DNAH14: variants seen among roughly 807,000 people sequenced by gnomAD.
DNAH14 encodes dynein axonemal heavy chain 14.
A neutral mutation model predicts 520.9 loss-of-function variants in DNAH14; 478 were observed. The observed-to-expected ratio is 0.92, with a 90% CI of 0.85 to 0.99. DNAH14 has a LOEUF of 0.99. Among genes scored for constraint, DNAH14 ranks in the 50% least tolerant of loss-of-function variants. The probability of loss-of-function intolerance (pLI) is 0.00; values close to 1 mark genes in which losing one functional copy is unlikely to be tolerated. For missense variants in DNAH14, 4,831 were observed against 5,234.5 expected (o/e 0.92, Z 2.38); for synonymous variants, 1,581 against 1,757.2 (o/e 0.90, Z 2.51).
chr1:225,028,175 A>G (rs2066270285), intron 11 of DNAH14, among the ~76,000 whole-genome samples: 1 of 152,200 alleles, frequency 6.6e-6, no homozygotes, highest in East Asian at 1.9e-4. Context: ...ATTACCACCT[A>G]TCTTCTGAAA....
intron 41 of DNAH14, among the ~76,000 whole-genome samples, chr1:225,220,690 A>C (rs1405835219): frequency 1.3e-5 from 2 of 152,144 alleles, no homozygotes; most frequent in African/African-American, 4.8e-5. Flanking sequence ...ATGCTCATGG[A>C]TAGGAAGAAT....
Position 224,954,960 on chromosome 1 carries a change from CT to C in DNAH14, c.83del (p.Leu28Ter), listed in dbSNP as rs780981561. On this transcript the variant is annotated frameshift_variant and splice_region_variant, in exon 3 of 86. Coordinates refer to ENST00000682510, the MANE Select transcript of DNAH14 (RefSeq NM_001367479.1). LOFTEE classifies it high-confidence loss of function. ...DKEETKTKPR[L>X]LRYEEKKYED... is the part of the protein sequence containing the mutation. ...AGAATTGTTTTCTTTGTCATTTAGA[CT>C]TTTAAGATATGAAGAGAAAAAATAT... 46 of 1,584,230 alleles carry C rather than the reference CT, an allele frequency of 2.9e-5. No individual in the cohort carries two copies. In the East Asian group the frequency reaches 9.9e-4, roughly 34 times the overall value.
At chr1:225,135,016 A>G (rs948502844) in intron 27 of DNAH14, among the ~76,000 whole-genome samples, 4 of 151,872 alleles carry the variant, frequency 2.6e-5, no homozygotes, top group African/African-American at 9.7e-5. Flanking sequence ...CAGTGATGAT[A>G]TCCCCCTTAT....
rs141545658 is a variant in DNAH14, at chr1:224,991,597, G to T, written c.831-11186G>T. ...TTCAAGTGATTCTCCTGCCTCAGCCGCCTGAGTAGCTGGGATTACAGGTGT... is the reference window on the plus strand; with the variant it reads ...TTCAAGTGATTCTCCTGCCTCAGCCTCCTGAGTAGCTGGGATTACAGGTGT... On this transcript the variant is annotated intron_variant, in intron 8 of 85. Transcript: ENST00000682510. Among the ~76,000 whole-genome samples, 864 of 151,918 alleles carry T rather than the reference G, an allele frequency of 5.7e-3. 4 individuals are homozygous for T. The highest frequency in any genetic ancestry group is 8.9e-3 in the Non-Finnish European group (607 of 67,904).
chr1:225,193,882 G>A (rs535476318), intron 38 of DNAH14, among the ~76,000 whole-genome samples: 28 of 152,146 alleles, frequency 1.8e-4, no homozygotes, highest in African/African-American at 6.5e-4. Flanking sequence ...ACAAAAATTA[G>A]TAGCACTTCT....
intron 10 of DNAH14, among the ~76,000 whole-genome samples, chr1:225,019,070 A>T (rs1165128777): frequency 1.3e-5 from 2 of 152,232 alleles, no homozygotes; most frequent in Non-Finnish European, 1.5e-5. Context: ...TCACATGTTA[A>T]TATTGACCTT....
intron 60 of DNAH14, among the ~76,000 whole-genome samples, chr1:225,313,234 A>G (rs1430341068): frequency 1.3e-5 from 2 of 152,238 alleles, no homozygotes; most frequent in East Asian, 1.9e-4. Flanking sequence ...ATTTGTGTAG[A>G]GGTGTTTATA....
chr1:225,398,555 T>C lies in DNAH14; in HGVS notation c.13527T>C (p.Phe4509=). Residue 4509 remains phenylalanine (F), a synonymous_variant, in exon 85 of 86, where the codon TTT becomes TTC. Transcript: ENST00000682510. ...CCTCTCACACTGGAGTTTACATTTT[T>C]GGTTTATTCATCGAGGGGGCAAGAT... is the stretch of plus-strand genomic sequence containing the variant. ...SASSHTGVYI[F]GLFIEGARWN... 1.3e-6 allele frequency: 2 copies of C among 1,551,770 alleles called. No homozygotes were observed. Among genetic ancestry groups the C allele is most frequent in the East Asian group, 2.4e-5 (1 of 40,930 alleles).
intron 55 of DNAH14, 54 bp downstream of exon 55, chr1:225,290,136 C>G (rs2093833415): frequency 1.6e-6 from 2 of 1,219,150 alleles, no homozygotes; most frequent in Non-Finnish European, 2.1e-6. Context: ...ATGTGGCTAC[C>G]CCCTCCCCAA....
In DNAH14 at chr1:225,231,115, AAAGAGAGTCTGT is replaced by A; in HGVS notation, c.6483_6494del (p.Gln2161_Val2165delinsHis). On this transcript the variant is annotated inframe_deletion, in exon 42 of 86. Transcript: ENST00000682510. ...ACGTCATCTAAGGAGGCAAATTCCC[AAAGAGAGTCTGT>A]CACATTCAAGGATATAGAAAAGAGG... is the stretch of plus-strand genomic sequence containing the variant. 6.5e-7 allele frequency: 1 copy of A among 1,548,054 alleles called. No individual in the cohort carries two copies. The highest frequency in any genetic ancestry group is 8.7e-7 in the Non-Finnish European group (1 of 1,145,372).
At chr1:225,246,908 T>G (rs1381930525) in intron 43 of DNAH14, among the ~76,000 whole-genome samples, 1 of 152,190 alleles carries the variant, frequency 6.6e-6, no homozygotes, top group African/African-American at 2.4e-5. Flanking sequence ...ATCATTCTAC[T>G]ATAAAGAAAC....
intron 74 of DNAH14, 26 bp from the exon 75 acceptor site, chr1:225,360,655 A>G: frequency 6.5e-7 from 1 of 1,532,118 alleles, no homozygotes; most frequent in Non-Finnish European, 8.9e-7. Context: ...TTACAGTTTT[A>G]TATACCTCTC....
Position 224,955,083 on chromosome 1 carries a change from T to G in DNAH14, c.202T>G (p.Ser68Ala), listed in dbSNP as rs375259141. 2.2e-5 allele frequency: 36 copies of G among 1,609,618 alleles called. No homozygotes were observed. The highest frequency in any genetic ancestry group is 3.0e-5 in the Non-Finnish European group (35 of 1,178,012). The change falls in exon 3 of 86, where the codon TCA becomes GCA. Residue 68 changes from serine to alanine, a missense_variant. Ser to Ala is a moderately conservative substitution (Grantham distance 99). Transcript: ENST00000682510. Reference sequence around the variant, plus strand: ...TAGAACATTCTCTGAATCTTTGAAGTCAGAGAAAACAGAAGGTATTTATCA... The same window carrying G: ...TAGAACATTCTCTGAATCTTTGAAGGCAGAGAAAACAGAAGGTATTTATCA... ...TVRTFSESLK[S>A]EKTEDYLRES...
In DNAH14 at chr1:225,079,224, G is replaced by T; in HGVS notation, c.2442G>T (p.Leu814Phe). Residue 814 changes from leucine (L) to phenylalanine (F), a missense_variant, in exon 18 of 86, where the codon TTG becomes TTT. Transcript: ENST00000682510. Reference sequence around the variant, plus strand: ...GATTTCAGGTTGTGGAATCATCATTGCAGCAGCTGGAATGTGATCCCACTG... The same window carrying T: ...GATTTCAGGTTGTGGAATCATCATTTCAGCAGCTGGAATGTGATCCCACTG... ...KNLLEVVESS[L>F]QQLECDPTEI... The T allele has an allele frequency of 6.5e-7, 1 of 1,543,786 alleles. No individual in the cohort carries two copies. The highest frequency in any genetic ancestry group is 8.7e-7 in the Non-Finnish European group (1 of 1,145,566).
At chr1:225,147,357 G>GTT in intron 31 of DNAH14, 108 bp downstream of exon 31, 3 of 1,216,974 alleles carry the variant, frequency 2.5e-6, no homozygotes, top group Non-Finnish European at 3.2e-6. Flanking sequence ...GGTCTTTGGG[G>GTT]TGTTTTTTTT....
intron 21 of DNAH14, 44 bp from the exon 22 acceptor site, chr1:225,097,074 T>G: frequency 6.9e-7 from 1 of 1,455,540 alleles, no homozygotes; most frequent in Non-Finnish European, 9.2e-7. Context: ...AAGAATAATT[T>G]TATATATTTA....
At chr1:225,354,071 A>C in intron 73 of DNAH14, 183 bp downstream of exon 73, 2 of 694,518 alleles carry the variant, frequency 2.9e-6, no homozygotes, top group Non-Finnish European at 5.3e-6. Flanking sequence ...TGGAGAGTCC[A>C]ATGTGAGTAA....
At chr1:225,021,556 A>G (rs2065696078) in intron 10 of DNAH14, among the ~76,000 whole-genome samples, 1 of 152,182 alleles carries the variant, frequency 6.6e-6, no homozygotes, top group Admixed American at 6.5e-5. Context: ...AGAATAAAAT[A>G]TCTAGGAATA....
In DNAH14 at chr1:225,082,197, T is replaced by TGTGTGTGTGTGC. The variant is rs374597749; in HGVS notation, c.3137-351_3137-350insTGTGTGTGTGCG. ...GTGTGTGTGTGTGTGTGTGTGTGTGTGCACATGCGCATGTACCCATTTGTC... is the reference window on the plus strand; with the variant it reads ...GTGTGTGTGTGTGTGTGTGTGTGTGTGTGTGTGTGTGCGCACATGCGCATGTACCCATTTGTC... On this transcript the variant is annotated intron_variant, in intron 19 of 85. Transcript: ENST00000682510. Among the ~76,000 whole-genome samples, 5 of 151,812 alleles carry TGTGTGTGTGTGC rather than the reference T, an allele frequency of 3.3e-5. No individual in the cohort carries two copies. In the East Asian group the frequency reaches 5.8e-4, roughly 18 times the overall value.
Sources: gnomAD v4.1 joint callset for allele counts (sites outside exome capture counted in the v4.1 genomes callset) on GRCh38, gnomAD v4.1.1 for gene constraint, MANE v1.5 for transcripts, NCBI Gene and HGNC (gene_info 2026-07-23, HGNC 2026-07-21) for gene names.